PRICKLE1: variants seen among roughly 807,000 people sequenced by gnomAD.
PRICKLE1 encodes prickle planar cell polarity protein 1.
Under a neutral mutation model 70.2 loss-of-function variants are expected in PRICKLE1, and 14 were observed. The observed-to-expected ratio is 0.20, with a 90% CI of 0.13 to 0.31. The LOEUF is 0.31. Ranked by LOEUF, PRICKLE1 falls within the 10% of genes least tolerant of loss-of-function variation. PRICKLE1 has a pLI of 1.00. For synonymous variants in PRICKLE1, 357 were observed against 379.9 expected, an observed-to-expected ratio of 0.94 and a Z score of 0.70; for missense variants, 821 against 1,026.2, an observed-to-expected ratio of 0.80 and a Z score of 2.73.
intron 1 of PRICKLE1, chr12:42,483,854 C>T (rs1198430301): frequency 6.6e-6 from 1 of 151,780 alleles, no homozygotes; most frequent in Admixed American, 6.6e-5. Context: ...ACTCTGCTCC[C>T]CCGGGTTGGA....
intron 1 of PRICKLE1, among the ~76,000 whole-genome samples, chr12:42,479,851 G>A (rs898314973): frequency 6.6e-6 from 1 of 152,074 alleles, no homozygotes; most frequent in African/African-American, 2.4e-5. Flanking sequence ...GTACTTGGGA[G>A]GCTGAGGCAG....
intron 1 of PRICKLE1, among the ~76,000 whole-genome samples, chr12:42,531,949 G>C (rs1403961955): frequency 6.6e-6 from 1 of 152,132 alleles, no homozygotes; most frequent in South Asian, 2.1e-4. Flanking sequence ...CTTGAACCCA[G>C]GAGTTCAAGA....
chr12:42,494,805 T>TC (rs2140174328), intron 1 of PRICKLE1, among the ~76,000 whole-genome samples: 2 of 141,658 alleles, frequency 1.4e-5, no homozygotes, highest in African/African-American at 5.2e-5. Context: ...AGACTCTGTC[T>TC]CTAAAAAAAA....
At chr12:42,483,137 G>C (rs1262817126) in intron 1 of PRICKLE1, 1 of 152,722 alleles carries the variant, frequency 6.5e-6, no homozygotes, top group African/African-American at 2.4e-5. Flanking sequence ...AGTCGCCTTC[G>C]AATTCCCCGT....
chr12:42,478,179 T>A (rs1408052786), intron 1 of PRICKLE1, among the ~76,000 whole-genome samples: 4 of 152,172 alleles, frequency 2.6e-5, no homozygotes, highest in Non-Finnish European at 5.9e-5. Flanking sequence ...TTTTTTTACA[T>A]TCTTTTACCT....
chr12:42,478,398 G>C (rs1292074937), intron 1 of PRICKLE1, among the ~76,000 whole-genome samples: 1 of 151,840 alleles, frequency 6.6e-6, no homozygotes, highest in Non-Finnish European at 1.5e-5. Context: ...TAATGAAGGA[G>C]AAAGAAAAGC....
intron 1 of PRICKLE1, among the ~76,000 whole-genome samples, chr12:42,515,077 C>A (rs1215047486): frequency 6.6e-6 from 1 of 151,910 alleles, no homozygotes; most frequent in Non-Finnish European, 1.5e-5. Flanking sequence ...AGCCACCACG[C>A]CTGACTAACT....
intron 1 of PRICKLE1, among the ~76,000 whole-genome samples, chr12:42,490,218 C>T (rs78538317): frequency 0.038 from 5,720 of 152,046 alleles, 361 homozygotes; most frequent in African/African-American, 0.13. Flanking sequence ...ATTCAGGAAC[C>T]GTGAAGGTGG....
chr12:42,472,709 C>A, intron 1 of PRICKLE1, 145 bp from the exon 2 acceptor site: 2 of 657,836 alleles, frequency 3.0e-6, no homozygotes, highest in South Asian at 1.9e-5. Context: ...CACCCCCAGG[C>A]CCCAGGCCCC....
At position 42,460,015 on chromosome 12, in the gene PRICKLE1, A is replaced by G; in HGVS notation, c.2290T>C (p.Ser764Pro). ...LYGEDDDSWCSSSSSSSDSEE... is the reference protein window; with the variant it reads ...LYGEDDDSWCPSSSSSSDSEE... The stretch of plus-strand genomic sequence containing the variant: ...GAGTCGGAAGAGGAGGAGGAGGAAG[A>G]ACACCAGGAATCATCATCCTCGCCG... Residue 764 changes from serine (S) to proline (P), a missense_variant, in exon 8 of 8, where the codon TCT (serine) becomes CCT (proline). Coordinates refer to ENST00000345127, the MANE Select transcript of PRICKLE1 (RefSeq NM_153026.3). 1.9e-6 allele frequency: 3 copies of G among 1,614,116 alleles called. No homozygotes were observed. In the South Asian group the frequency reaches 3.3e-5, roughly 18 times the overall value.
intron 1 of PRICKLE1, among the ~76,000 whole-genome samples, chr12:42,473,670 G>A (rs866944452): frequency 2.0e-5 from 3 of 152,114 alleles, no homozygotes; most frequent in Middle Eastern, 3.4e-3. Context: ...TAATTATCCC[G>A]ACCCAATGAT....
rs2140083492 is a variant in PRICKLE1, at chr12:42,459,709, G to T, written c.*100C>A. 1 of 1,370,352 alleles carries T rather than the reference G, an allele frequency of 7.3e-7. No individual in the cohort carries two copies. Among genetic ancestry groups the T allele is most frequent in the African/African-American group, 1.4e-5 (1 of 69,680 alleles). 84.9% of individuals were successfully genotyped at this position (1,370,352 alleles called of 1,614,324 possible). A position where few individuals can be genotyped will look rare whatever the true frequency, so the allele number is the denominator to read the frequency against. Reference sequence around the variant, plus strand: ...GTTCTCATTTACATGGGCAAAGAAAGCACTTTAAACTATTTTCACAACTTT... The same window carrying T: ...GTTCTCATTTACATGGGCAAAGAAATCACTTTAAACTATTTTCACAACTTT... On this transcript the variant is annotated 3_prime_UTR_variant, in exon 8 of 8. Transcript: ENST00000345127.
intron 1 of PRICKLE1, among the ~76,000 whole-genome samples, chr12:42,578,340 A>T (rs1444802412): frequency 1.3e-5 from 2 of 152,266 alleles, no homozygotes; most frequent in East Asian, 3.8e-4. Context: ...ATGTTTTAAC[A>T]TACATGGCAA....
At chr12:42,546,779 T>A (rs545609048) in intron 1 of PRICKLE1, among the ~76,000 whole-genome samples, 1 of 152,262 alleles carries the variant, frequency 6.6e-6, no homozygotes, top group Non-Finnish European at 1.5e-5. Flanking sequence ...AAATAGTGAA[T>A]CTTCCATTTA....
intron 1 of PRICKLE1, among the ~76,000 whole-genome samples, chr12:42,545,865 A>AT (rs199723946): frequency 0.11 from 16,671 of 148,050 alleles, 1,076 homozygotes; most frequent in South Asian, 0.19. Context: ...AGAAAAAAAA[A>AT]AAATATATAT....
intron 1 of PRICKLE1, among the ~76,000 whole-genome samples, chr12:42,481,682 TTAAC>T (rs1269772257): frequency 1.3e-5 from 2 of 152,220 alleles, no homozygotes; most frequent in African/African-American, 2.4e-5. Context: ...TGAATTAAAT[TTAAC>T]TACAGACTAA....
At chr12:42,547,426 C>CCAG (rs1367074093) in intron 1 of PRICKLE1, among the ~76,000 whole-genome samples, 4 of 152,256 alleles carry the variant, frequency 2.6e-5, no homozygotes, top group African/African-American at 9.6e-5. Context: ...TGTACAAAGG[C>CCAG]CAGCAGCACC....
chr12:42,527,969 ATATC>A (rs1488187243), intron 1 of PRICKLE1, among the ~76,000 whole-genome samples: 401 of 7,832 alleles, frequency 0.051, 27 homozygotes, highest in African/African-American at 0.087. Flanking sequence ...ATATATATAT[ATATC>A]TCCAAAGTTT....
chr12:42,469,154 A>G (rs1938219248), intron 4 of PRICKLE1, among the ~76,000 whole-genome samples: 1 of 152,144 alleles, frequency 6.6e-6, no homozygotes, highest in African/African-American at 2.4e-5. Flanking sequence ...ATGTTTCTGC[A>G]TCTTTTGAAT....
Sources: gnomAD v4.1 joint callset for allele counts (sites outside exome capture counted in the v4.1 genomes callset) on GRCh38, gnomAD v4.1.1 for gene constraint, MANE v1.5 for transcripts, NCBI Gene and HGNC (gene_info 2026-07-23, HGNC 2026-07-21) for gene names.